The following LUZP1 variants were observed in gnomAD, a reference collection of about 807,000 sequenced individuals.
The protein encoded by LUZP1 is filamin mechanobinding actin cross-linking protein.
Under a neutral mutation model 71.3 loss-of-function variants are expected in LUZP1, and 25 were observed. The observed-to-expected ratio is 0.35, with a 90% CI of 0.26 to 0.49. The LOEUF (loss-of-function observed/expected upper bound fraction) is 0.49, where lower values mean the gene tolerates loss of function less well. LUZP1 is among the 20% of genes least tolerant of loss of function. The probability of loss-of-function intolerance (pLI) is 0.99; values close to 1 mark genes in which losing one functional copy is unlikely to be tolerated. For missense variants in LUZP1, 1,142 were observed against 1,300.8 expected, an observed-to-expected ratio of 0.88 and a Z score of 1.88; for synonymous variants, 481 against 506.4, an observed-to-expected ratio of 0.95 and a Z score of 0.67.
At chr1:23,138,693 G>A (rs1389209109) in intron 2 of LUZP1, among the ~76,000 whole-genome samples, 50 of 107,238 alleles carry the variant, frequency 4.7e-4, no homozygotes, top group South Asian at 1.1e-3. Context: ...GTGTGTGTGT[G>A]TGTGTATATA....
chr1:23,148,987 T>G (rs911297606), intron 2 of LUZP1, among the ~76,000 whole-genome samples: 2 of 143,828 alleles, frequency 1.4e-5, no homozygotes, highest in Admixed American at 1.5e-4. Context: ...AGGCAGAGGT[T>G]GGAGGATCAC....
intron 2 of LUZP1, among the ~76,000 whole-genome samples, chr1:23,160,324 T>C (rs1644454424): frequency 6.6e-6 from 1 of 152,168 alleles, no homozygotes; most frequent in African/African-American, 2.4e-5. Flanking sequence ...AATAAAATGT[T>C]AGTCAACAGA....
chr1:23,114,784 G>A (rs1644064498), intron 2 of LUZP1, among the ~76,000 whole-genome samples: 1 of 152,192 alleles, frequency 6.6e-6, no homozygotes. Flanking sequence ...GATGGGGAGT[G>A]AGAAACCCGG....
intron 3 of LUZP1, among the ~76,000 whole-genome samples, chr1:23,095,655 T>C (rs1394033378): frequency 6.6e-6 from 1 of 152,134 alleles, no homozygotes. Flanking sequence ...ATTGAAGAAC[T>C]ACAGCTCCAG....
At chr1:23,174,624 C>G (rs2148227357) in intron 1 of LUZP1, among the ~76,000 whole-genome samples, 1 of 152,202 alleles carries the variant, frequency 6.6e-6, no homozygotes, top group African/African-American at 2.4e-5. Flanking sequence ...CTCATTATAT[C>G]TTTCTGCAAT....
chr1:23,108,844 A>G (rs1644005594), intron 3 of LUZP1, among the ~76,000 whole-genome samples, 178 bp downstream of exon 2: 2 of 152,150 alleles, frequency 1.3e-5, no homozygotes, highest in African/African-American at 4.8e-5. Flanking sequence ...ACTTCATGCA[A>G]GGATTTTTCA....
At chr1:23,107,071 T>TC (rs1338928466) in intron 3 of LUZP1, among the ~76,000 whole-genome samples, 2 of 152,322 alleles carry the variant, frequency 1.3e-5, no homozygotes, top group African/African-American at 4.8e-5. Flanking sequence ...CCAGTTACAC[T>TC]CATCCCTCAG....
intron 2 of LUZP1, chr1:23,162,594 A>G (rs1262386108): frequency 6.6e-6 from 1 of 152,046 alleles, no homozygotes. Flanking sequence ...GCCTGCCACC[A>G]TGCCTGGCTA....
chr1:23,150,623 T>C (rs978669281), intron 2 of LUZP1, among the ~76,000 whole-genome samples: 3 of 152,036 alleles, frequency 2.0e-5, no homozygotes, highest in African/African-American at 7.2e-5. Flanking sequence ...ACTGAGGCAA[T>C]AAGGCAGACG....
At chr1:23,155,149 C>T (rs1023958980) in intron 2 of LUZP1, among the ~76,000 whole-genome samples, 1 of 152,116 alleles carries the variant, frequency 6.6e-6, no homozygotes, top group Non-Finnish European at 1.5e-5. Flanking sequence ...TTTAAATCTA[C>T]CAGGGACCAT....
At position 23,090,621 on chromosome 1, in the gene LUZP1, C is replaced by G. The variant is rs530314030; in HGVS notation, c.3072+569G>C. On this transcript the variant is annotated intron_variant, in intron 4 of 4. Transcript: ENST00000302291. ...CTGATAATATGAGACAGACAGCTGT[C>G]TGGGGGGCAAAAGAAAGTGTCACTT... is the stretch of plus-strand genomic sequence containing the variant. 45 of 553,442 alleles carry G rather than the reference C, an allele frequency of 8.1e-5. No individual in the cohort carries two copies. In the South Asian group the frequency reaches 1.0e-3, roughly 13 times the overall value. 34.3% of individuals were successfully genotyped at this position (553,442 alleles called of 1,614,324 possible). A position where few individuals can be genotyped will look rare whatever the true frequency, so the allele number is the denominator to read the frequency against.
At chr1:23,143,231 A>T (rs569544989) in intron 2 of LUZP1, among the ~76,000 whole-genome samples, 1 of 151,702 alleles carries the variant, frequency 6.6e-6, no homozygotes, top group South Asian at 2.1e-4. Context: ...CTGGTCTCTA[A>T]CTCCTTACCT....
chr1:23,122,398 G>A (rs1265192728), intron 2 of LUZP1, among the ~76,000 whole-genome samples: 1 of 152,228 alleles, frequency 6.6e-6, no homozygotes, highest in Non-Finnish European at 1.5e-5. Context: ...TACAGCCAGA[G>A]TGAATGCATT....
At chr1:23,102,913 ATTTCATT>A (rs1420991388) in intron 3 of LUZP1, among the ~76,000 whole-genome samples, 3 of 152,004 alleles carry the variant, frequency 2.0e-5, no homozygotes, top group African/African-American at 7.2e-5. Context: ...ATTTCATTTC[ATTTCATT>A]TTTCATTTCA....
At chr1:23,148,800 A>G (rs773197733) in intron 2 of LUZP1, among the ~76,000 whole-genome samples, 12 of 151,878 alleles carry the variant, frequency 7.9e-5, no homozygotes, top group Non-Finnish European at 1.6e-4. Context: ...GATTTAATCC[A>G]TATCATTCTT....
intron 4 of LUZP1, chr1:23,090,634 GAA>G: frequency 3.6e-6 from 2 of 561,766 alleles, no homozygotes; most frequent in Non-Finnish European, 6.3e-6. Flanking sequence ...GGGGGCAAAA[GAA>G]AGTGTCACTT....
At chr1:23,154,034 T>C (rs1214657042) in intron 2 of LUZP1, among the ~76,000 whole-genome samples, 1 of 152,178 alleles carries the variant, frequency 6.6e-6, no homozygotes, top group Non-Finnish European at 1.5e-5. Flanking sequence ...ATAATGTGGA[T>C]GAACCTCAAA....
At chr1:23,162,470 G>A (rs1452941872) in intron 2 of LUZP1, among the ~76,000 whole-genome samples, 4 of 146,746 alleles carry the variant, frequency 2.7e-5, no homozygotes, top group Non-Finnish European at 5.9e-5. Context: ...ACGGAGTCTC[G>A]CTCTGTTGCC....
intron 2 of LUZP1, among the ~76,000 whole-genome samples, chr1:23,144,424 G>C (rs954967754): frequency 2.0e-5 from 3 of 152,180 alleles, no homozygotes. Flanking sequence ...GCAAGAAACT[G>C]ACACACAACA....
Sources: gnomAD v4.1 joint callset for allele counts (sites outside exome capture counted in the v4.1 genomes callset) on GRCh38, gnomAD v4.1.1 for gene constraint, MANE v1.5 for transcripts, NCBI Gene and HGNC (gene_info 2026-07-23, HGNC 2026-07-21) for gene names.